PCDH15: variants seen among roughly 807,000 people sequenced by gnomAD.
The protein encoded by PCDH15 is protocadherin-15.
Under a neutral mutation model 178.5 loss-of-function variants are expected in PCDH15, and 129 were observed. The ratio of observed to expected loss-of-function variants is 0.72; its 90% CI spans 0.63 to 0.84. PCDH15 has a LOEUF of 0.84. Among genes scored for constraint, PCDH15 ranks in the 40% least tolerant of loss-of-function variants. PCDH15 has a pLI of 0.00. For synonymous variants in PCDH15, 800 were observed against 732.0 expected (o/e 1.09, Z -1.50); for missense variants, 2,230 against 2,099.9 (o/e 1.06, Z -1.21).
intron 21 of PCDH15, among the ~76,000 whole-genome samples, chr10:53,963,569 C>T (rs987674949): frequency 6.6e-6 from 1 of 152,128 alleles, no homozygotes; most frequent in African/African-American, 2.4e-5. Context: ...AAACTCTGAA[C>T]ATTTTAAGTC....
At chr10:54,886,938 CT>C (rs1449513330) in intron 3 of PCDH15, among the ~76,000 whole-genome samples, 1 of 152,198 alleles carries the variant, frequency 6.6e-6, no homozygotes, top group African/African-American at 2.4e-5. Flanking sequence ...AACATACAAT[CT>C]TGAATAAGGA....
At chr10:54,467,220 C>G (rs1311449592) in intron 3 of PCDH15, among the ~76,000 whole-genome samples, 3 of 151,838 alleles carry the variant, frequency 2.0e-5, no homozygotes, top group Admixed American at 2.0e-4. Flanking sequence ...AAGTGAGCAT[C>G]TTTATTTTTT....
chr10:54,739,146 A>G (rs1452365157), intron 1 of PCDH15, among the ~76,000 whole-genome samples: 1 of 152,040 alleles, frequency 6.6e-6, no homozygotes, highest in Non-Finnish European at 1.5e-5. Context: ...ATGATCTTAT[A>G]TTTAGAACAT....
At chr10:54,287,571 G>A (rs950751476) in intron 8 of PCDH15, among the ~76,000 whole-genome samples, 1 of 151,900 alleles carries the variant, frequency 6.6e-6, no homozygotes, top group South Asian at 2.1e-4. Context: ...TATCCTAGGG[G>A]TATATTTTTA....
intron 2 of PCDH15, among the ~76,000 whole-genome samples, chr10:55,556,479 C>A (rs188163825): frequency 7.2e-5 from 11 of 152,132 alleles, no homozygotes; most frequent in African/African-American, 2.4e-4. Context: ...TGCTTTTCCC[C>A]AAAACTTGCA....
intron 8 of PCDH15, among the ~76,000 whole-genome samples, chr10:54,286,853 C>G (rs1370719392): frequency 6.6e-6 from 1 of 152,176 alleles, no homozygotes; most frequent in Non-Finnish European, 1.5e-5. Context: ...GTGTTGAACT[C>G]CTGACCTCTG....
At chr10:54,589,635 T>C (rs192880563) in intron 2 of PCDH15, among the ~76,000 whole-genome samples, 5 of 152,292 alleles carry the variant, frequency 3.3e-5, no homozygotes, top group African/African-American at 1.2e-4. Flanking sequence ...TACCAAACAG[T>C]GTCTGTCATA....
At chr10:53,814,801 T>C (rs1162544504) in intron 35 of PCDH15, among the ~76,000 whole-genome samples, 1 of 151,744 alleles carries the variant, frequency 6.6e-6, no homozygotes, top group Non-Finnish European at 1.5e-5. Context: ...CCGTCTCTAC[T>C]AAAAATACAA....
intron 1 of PCDH15, among the ~76,000 whole-genome samples, chr10:55,181,399 C>T (rs1202023444): frequency 6.6e-6 from 1 of 151,912 alleles, no homozygotes; most frequent in Non-Finnish European, 1.5e-5. Context: ...TTAAAATATA[C>T]TAATTAATGT....
At chr10:54,977,381 C>T (rs1839098954) in intron 2 of PCDH15, among the ~76,000 whole-genome samples, 1 of 152,118 alleles carries the variant, frequency 6.6e-6, no homozygotes. Flanking sequence ...ATGAAAGTGG[C>T]CTCTGATCAT....
At chr10:55,057,404 A>G (rs1841331815) in intron 2 of PCDH15, among the ~76,000 whole-genome samples, 1 of 152,128 alleles carries the variant, frequency 6.6e-6, no homozygotes, top group African/African-American at 2.4e-5. Flanking sequence ...GAATTTTGTC[A>G]TTATTTTATT....
chr10:54,583,834 T>G (rs997536317), intron 2 of PCDH15, among the ~76,000 whole-genome samples: 6 of 152,120 alleles, frequency 3.9e-5, no homozygotes, highest in Non-Finnish European at 8.8e-5. Flanking sequence ...GGTAGATCTA[T>G]TTAGCTACCA....
At position 53,806,693 on chromosome 10, in the gene PCDH15, G is replaced by T; in HGVS notation, c.5109C>A (p.Asp1703Glu). Residue 1703 changes from aspartate (D) to glutamate (E), a missense_variant, in exon 38 of 38, where the codon GAC becomes GAA. Physicochemically the swap from Asp to Glu is conservative, Grantham distance 45. Transcript: ENST00000644397. ...CCAAAGCCTCCTTGATGTTCTTACT[G>T]TCAATCATGGACTCCTGTTCAACTG... Reference protein sequence around the residue: ...KSTVEQESMIDSKNIKEALEF... With the variant: ...KSTVEQESMIESKNIKEALEF... 1.2e-6 allele frequency: 2 copies of T among 1,613,846 alleles called. No individual in the cohort carries two copies. The highest frequency in any genetic ancestry group is 1.7e-6 in the Non-Finnish European group (2 of 1,179,806).
At chr10:55,242,254 T>G (rs1346171815) in intron 1 of PCDH15, among the ~76,000 whole-genome samples, 3 of 152,160 alleles carry the variant, frequency 2.0e-5, no homozygotes, top group Non-Finnish European at 4.4e-5. Flanking sequence ...TTGAAATGAT[T>G]ATCTTTCTCT....
chr10:55,523,182 T>C (rs1841224771), intron 2 of PCDH15, among the ~76,000 whole-genome samples: 1 of 151,516 alleles, frequency 6.6e-6, no homozygotes, highest in African/African-American at 2.4e-5. Context: ...GAAATTTTTT[T>C]TAAATAAACT....
chr10:54,546,537 T>G (rs2085873262), intron 2 of PCDH15, among the ~76,000 whole-genome samples: 1 of 152,060 alleles, frequency 6.6e-6, no homozygotes, highest in South Asian at 2.1e-4. Context: ...TGCATTGCAT[T>G]TATTATAAGA....
chr10:53,809,970 C>T (rs951234844), intron 37 of PCDH15, among the ~76,000 whole-genome samples: 4 of 151,998 alleles, frequency 2.6e-5, no homozygotes, highest in Admixed American at 6.6e-5. Flanking sequence ...TATGAGAAAT[C>T]TATTTTATGA....
intron 14 of PCDH15, among the ~76,000 whole-genome samples, chr10:54,138,624 G>A (rs2043101399): frequency 6.6e-6 from 1 of 152,136 alleles, no homozygotes; most frequent in Non-Finnish European, 1.5e-5. Context: ...GGTCAGGCCT[G>A]GTCAGTATGT....
intron 2 of PCDH15, among the ~76,000 whole-genome samples, chr10:55,055,661 G>C (rs929602650): frequency 6.6e-6 from 1 of 152,042 alleles, no homozygotes; most frequent in South Asian, 2.1e-4. Flanking sequence ...AAATTAGCCA[G>C]GTGCAGTGGC....
Sources: allele counts gnomAD v4.1 joint callset (sites outside exome capture counted in the v4.1 genomes callset), GRCh38; gene constraint gnomAD v4.1.1; transcripts MANE v1.5; gene names NCBI Gene and HGNC (gene_info 2026-07-23, HGNC 2026-07-21).